TMEM109: variants seen among roughly 807,000 people sequenced by gnomAD.
TMEM109 encodes voltage-gated monoatomic cation channel TMEM109.
A neutral mutation model predicts 26.4 loss-of-function variants in TMEM109; 19 were observed. The observed-to-expected ratio is 0.72, with a 90% CI of 0.50 to 1.06. TMEM109 has a LOEUF of 1.06. Ranked by LOEUF, TMEM109 falls within the 50% of genes least tolerant of loss-of-function variation. The pLI, the probability that TMEM109 is intolerant of heterozygous loss-of-function variation, is 0.00. For synonymous variants in TMEM109, 129 were observed against 142.0 expected, an observed-to-expected ratio of 0.91 and a Z score of 0.65; for missense variants, 262 against 303.4, an observed-to-expected ratio of 0.86 and a Z score of 1.01.
At position 60,920,978 on chromosome 11, in the gene TMEM109, G is replaced by T; in HGVS notation, c.330G>T (p.Leu110Phe). ...TCGCCGCACAGCTGCTGAATGCCTTGGGACTAGCTGGTGAGTGTTCGAGTG... is the reference window on the plus strand; with the variant it reads ...TCGCCGCACAGCTGCTGAATGCCTTTGGACTAGCTGGTGAGTGTTCGAGTG... ...SGIAAQLLNA[L>F]GLAGDYLAQG... is the part of the protein sequence containing the mutation. Residue 110 changes from leucine to phenylalanine, a missense_variant, in exon 3 of 4, where the codon TTG (leucine) becomes TTT (phenylalanine). Transcript: ENST00000227525. The T allele has an allele frequency of 6.2e-7, 1 of 1,614,048 alleles. No individual in the cohort carries two copies. The highest frequency in any genetic ancestry group is 1.1e-5 in the South Asian group (1 of 91,080).
At chr11:60,917,063 A>C (rs751783247) in intron 1 of TMEM109, among the ~76,000 whole-genome samples, 84 of 152,194 alleles carry the variant, frequency 5.5e-4, no homozygotes, top group Non-Finnish European at 1.5e-4. Flanking sequence ...TCCCAGCCTG[A>C]GGGCCTTCTA....
rs373230030 is a variant in TMEM109 at position 60,919,805 on chromosome 11, G to C, written c.112G>C (p.Asp38His). 3.7e-6 allele frequency: 6 copies of C among 1,614,156 alleles called. No homozygotes were observed. Among genetic ancestry groups the C allele is most frequent in the Non-Finnish European group, 4.2e-6 (5 of 1,180,040 alleles). Residue 38 changes from aspartate to histidine, a missense_variant, in exon 2 of 4, where the codon GAC becomes CAC. Physicochemically the swap from Asp to His is moderately conservative, Grantham distance 81. Transcript: ENST00000227525. Reference sequence around the variant, plus strand: ...CTCAGCATTGGCCCAGTCCCGTCGAGACTTTGCACCACCAGGCCAACAGAA... The same window carrying C: ...CTCAGCATTGGCCCAGTCCCGTCGACACTTTGCACCACCAGGCCAACAGAA... ...LHSALAQSRR[D>H]FAPPGQQKRE... is the part of the protein sequence containing the mutation.
rs757187457 is a variant in TMEM109 at position 60,922,217 on chromosome 11, G to A, written c.*52G>A. 3 of 1,551,508 alleles carry A rather than the reference G, an allele frequency of 1.9e-6. No homozygotes were observed. Among genetic ancestry groups the A allele is most frequent in the South Asian group, 2.4e-5 (2 of 84,396 alleles). On this transcript the variant is annotated 3_prime_UTR_variant, in exon 4 of 4. Coordinates refer to ENST00000227525, the MANE Select transcript of TMEM109 (RefSeq NM_024092.3). ...TCATACCAAAGAGCTGAGCTGCTTC[G>A]GGGCCATGCAGCCCTCCTGCCAGCC... is the stretch of plus-strand genomic sequence containing the variant.
At chr11:60,915,665 C>T (rs78748308) in intron 1 of TMEM109, among the ~76,000 whole-genome samples, 1,819 of 152,218 alleles carry the variant, frequency 0.012, 41 homozygotes, top group African/African-American at 0.041. Context: ...CACTTTTTGC[C>T]GCCCCTCCTG....
At chr11:60,917,941 G>A (rs1432244820) in intron 1 of TMEM109, among the ~76,000 whole-genome samples, 3 of 152,180 alleles carry the variant, frequency 2.0e-5, no homozygotes, top group Admixed American at 6.5e-5. Flanking sequence ...GGGATTACAG[G>A]AATGAGCCAC....
intron 1 of TMEM109, 106 bp downstream of exon 1, chr11:60,914,374 G>C (rs1195121110): frequency 6.6e-6 from 1 of 152,292 alleles, no homozygotes; most frequent in Non-Finnish European, 1.5e-5. Context: ...GAGTCCGAGT[G>C]GGGAGGGGTC....
At chr11:60,915,121 C>CG (rs1856159196) in intron 1 of TMEM109, among the ~76,000 whole-genome samples, 1 of 152,320 alleles carries the variant, frequency 6.6e-6, no homozygotes, top group African/African-American at 2.4e-5. Context: ...AACCGGGAGT[C>CG]GCTCGGTCTA....
intron 3 of TMEM109, 82 bp downstream of exon 3, chr11:60,921,070 A>G: frequency 7.9e-7 from 1 of 1,261,734 alleles, no homozygotes; most frequent in South Asian, 1.2e-5. Flanking sequence ...GTCAGGGTCT[A>G]GCCTTTTCCC....
intron 1 of TMEM109, among the ~76,000 whole-genome samples, chr11:60,914,739 G>C (rs972499935): frequency 6.6e-6 from 1 of 152,250 alleles, no homozygotes; most frequent in Non-Finnish European, 1.5e-5. Flanking sequence ...CCCTGTCTCC[G>C]GGAGGCTGCG....
Position 60,919,742 on chromosome 11 carries a change from G to A in TMEM109, c.49G>A (p.Ala17Thr). ...ACCATGGGGAAAGCATGTGTTCAAAGCCATTCTGATGGTCCTAGTGGCCCT... is the reference window on the plus strand; with the variant it reads ...ACCATGGGGAAAGCATGTGTTCAAAACCATTCTGATGGTCCTAGTGGCCCT... ...SSPWGKHVFKAILMVLVALIL... is the reference protein window; with the variant it reads ...SSPWGKHVFKTILMVLVALIL... The change falls in exon 2 of 4, where the codon GCC becomes ACC. Residue 17 changes from alanine (A) to threonine (T), a missense_variant. By Grantham distance (58) the Ala-to-Thr change is moderately conservative (BLOSUM62 0). Coordinates refer to ENST00000227525, the MANE Select transcript of TMEM109 (RefSeq NM_024092.3). 6.2e-7 allele frequency: 1 copy of A among 1,614,210 alleles called. No homozygotes were observed. Among genetic ancestry groups the A allele is most frequent in the Non-Finnish European group, 8.5e-7 (1 of 1,180,044 alleles).
rs766614439 is a variant in TMEM109, at chr11:60,920,928, G to A, written c.280G>A (p.Val94Met). The change falls in exon 3 of 4, where the codon GTG (valine) becomes ATG (methionine). Residue 94 changes from valine (V) to methionine (M), a missense_variant. By Grantham distance (21) the Val-to-Met change is conservative. Transcript: ENST00000227525. ...VLWAISSAIS[V>M]AFFALSGIAA... ...GTGGGCCATCTCATCAGCCATTTCT[G>A]TGGCCTTCTTTGCTCTGTCTGGGAT... 2.5e-6 allele frequency: 4 copies of A among 1,614,068 alleles called. No individual in the cohort carries two copies. Among genetic ancestry groups the A allele is most frequent in the African/African-American group, 2.7e-5 (2 of 74,918 alleles).
intron 1 of TMEM109, 146 bp downstream of exon 1, chr11:60,914,414 G>A (rs1230942593): frequency 6.6e-6 from 1 of 152,280 alleles, no homozygotes. Flanking sequence ...ACAAACCGGG[G>A]ACCCGGATCC....
In TMEM109 at chr11:60,920,254, A is replaced by T. The variant is rs548321937; in HGVS notation, c.237+324A>T. On this transcript the variant is annotated intron_variant, in intron 2 of 3. Coordinates refer to ENST00000227525, the MANE Select transcript of TMEM109 (RefSeq NM_024092.3). ...TCTAAATCTGACCTAGAATCTCGAA[A>T]TGGCAAAATATCAAGTCCTGAATCC... is the stretch of plus-strand genomic sequence containing the variant. Among the ~76,000 whole-genome samples the T allele has an allele frequency of 2.6e-5, 4 of 152,294 alleles. No homozygotes were observed. The South Asian group carries it at 8.3e-4, about 32-fold the overall frequency.
In TMEM109 at chr11:60,923,371, A is replaced by G. The variant is rs1856274106; in HGVS notation, c.*1206A>G. The G allele has an allele frequency of 6.5e-6, 1 of 152,684 alleles. No homozygotes were observed. The highest frequency in any genetic ancestry group is 1.5e-5 in the Non-Finnish European group (1 of 68,040). 9.5% of individuals were successfully genotyped at this position (152,684 alleles called of 1,614,324 possible). ...GCTGCAGTGATATATATTTTTTATCAGTGCTTGGTTGGTTTTAAATAAAGT... is the reference window on the plus strand; with the variant it reads ...GCTGCAGTGATATATATTTTTTATCGGTGCTTGGTTGGTTTTAAATAAAGT... On this transcript the variant is annotated 3_prime_UTR_variant, in exon 4 of 4. Coordinates refer to ENST00000227525, the MANE Select transcript of TMEM109 (RefSeq NM_024092.3).
rs1856251362 is a variant in TMEM109, at chr11:60,922,164, G to A, written c.731G>A (p.Ter244=). 6.3e-7 allele frequency: 1 copy of A among 1,580,534 alleles called. No individual in the cohort carries two copies. Among genetic ancestry groups the A allele is most frequent in the Non-Finnish European group, 8.6e-7 (1 of 1,163,152 alleles). The change falls in exon 4 of 4, where the codon TGA becomes TAA. Residue 244 remains the stop codon, a stop_retained_variant. Transcript: ENST00000227525. ...AKGARSVEEE[*] ...GGGGCCCGCAGTGTGGAGGAGGAGT[G>A]AGCCGGATGCCCCACACACCGCCAG...
In TMEM109 at chr11:60,922,234, C is replaced by T. The variant is rs1856252833; in HGVS notation, c.*69C>T. 6.5e-7 allele frequency: 1 copy of T among 1,549,480 alleles called. No individual in the cohort carries two copies. The highest frequency in any genetic ancestry group is 1.4e-5 in the African/African-American group (1 of 73,076). ...GCTGCTTCGGGGCCATGCAGCCCTC[C>T]TGCCAGCCCCCTGCCCTTTTCTTGC... is the stretch of plus-strand genomic sequence containing the variant. On this transcript the variant is annotated 3_prime_UTR_variant, in exon 4 of 4. Transcript: ENST00000227525.
intron 1 of TMEM109, among the ~76,000 whole-genome samples, chr11:60,916,093 G>A (rs558071562): frequency 6.6e-6 from 1 of 152,270 alleles, no homozygotes; most frequent in East Asian, 1.9e-4. Context: ...CCACTATCAA[G>A]GCAGCATGCG....
At chr11:60,921,399 G>A (rs1408114224) in intron 3 of TMEM109, among the ~76,000 whole-genome samples, 2 of 152,088 alleles carry the variant, frequency 1.3e-5, no homozygotes, top group Non-Finnish European at 2.9e-5. Context: ...CAGCCTCGGC[G>A]ATGGAGCAAA....
intron 1 of TMEM109, among the ~76,000 whole-genome samples, chr11:60,914,888 G>A (rs1856156690): frequency 6.6e-6 from 1 of 152,262 alleles, no homozygotes; most frequent in Non-Finnish European, 1.5e-5. Flanking sequence ...ATTCTCTGCA[G>A]TGGCGGCTTC....
Sources: gnomAD v4.1 joint callset for allele counts (sites outside exome capture counted in the v4.1 genomes callset) on GRCh38, gnomAD v4.1.1 for gene constraint, MANE v1.5 for transcripts, NCBI Gene and HGNC (gene_info 2026-07-23, HGNC 2026-07-21) for gene names.